The following NAV3 variants were observed in gnomAD, a reference collection of about 807,000 sequenced individuals.
NAV3 encodes the protein neuron navigator 3, also known as pore membrane and/or filament interacting like protein 1.
Under a neutral mutation model 244.7 loss-of-function variants are expected in NAV3, and 87 were observed. That is an observed-to-expected ratio of 0.36 (90% CI 0.30 to 0.42). The LOEUF is 0.42. Ranked by LOEUF, NAV3 falls within the 20% of genes least tolerant of loss-of-function variation. The pLI is 1.00. For missense variants in NAV3, 2,663 were observed against 2,893.3 expected (o/e 0.92, Z 1.83); for synonymous variants, 1,126 against 1,042.2 (o/e 1.08, Z -1.55).
rs775712117 is a variant in NAV3 at position 78,119,616 on chromosome 12, C to T, written c.3420C>T (p.Arg1140=). 4.3e-6 allele frequency: 7 copies of T among 1,614,186 alleles called. No individual in the cohort carries two copies. The highest frequency in any genetic ancestry group is 5.9e-6 in the Non-Finnish European group (7 of 1,180,028). Residue 1140 remains arginine, a synonymous_variant, in exon 15 of 40, where the codon CGC becomes CGT. Transcript: ENST00000397909. ...CCCTACAATATCGCAGCTTGCCCCGCCCTTCAAAATCCAGCACCAGTGGCA... is the reference window on the plus strand; with the variant it reads ...CCCTACAATATCGCAGCTTGCCCCGTCCTTCAAAATCCAGCACCAGTGGCA... ...KTTLQYRSLP[R]PSKSSTSGIP...
intron 1 of NAV3, among the ~76,000 whole-genome samples, chr12:77,927,129 G>A (rs1286225566): frequency 6.6e-6 from 1 of 152,192 alleles, no homozygotes; most frequent in African/African-American, 2.4e-5. Flanking sequence ...TTAGAAAAGG[G>A]TAGAGATGGA....
intron 2 of NAV3, among the ~76,000 whole-genome samples, chr12:77,672,307 A>C (rs1874013861): frequency 6.6e-6 from 1 of 152,196 alleles, no homozygotes; most frequent in South Asian, 2.1e-4. Context: ...AATGGAAACT[A>C]GTAAAACCAT....
intron 9 of NAV3, among the ~76,000 whole-genome samples, chr12:78,025,595 CAAAAAAAAA>C (rs1186694789): frequency 2.4e-3 from 135 of 55,572 alleles, no homozygotes; most frequent in African/African-American, 9.0e-3. Context: ...GACTCCATCT[CAAAAAAAAA>C]AAAAAAAAAA....
intron 1 of NAV3, among the ~76,000 whole-genome samples, chr12:77,888,318 T>C (rs1279768774): frequency 1.3e-5 from 2 of 151,802 alleles, no homozygotes; most frequent in South Asian, 2.1e-4. Context: ...TACAAAGAAA[T>C]AAATAAAAAT....
intron 1 of NAV3, among the ~76,000 whole-genome samples, chr12:77,881,840 A>G (rs998838906): frequency 1.2e-4 from 18 of 152,150 alleles, no homozygotes; most frequent in Non-Finnish European, 1.0e-4. Flanking sequence ...TGTAAAGAAA[A>G]TGAAATACCT....
intron 2 of NAV3, among the ~76,000 whole-genome samples, chr12:77,636,795 G>A (rs1228044582): frequency 6.6e-6 from 1 of 151,796 alleles, no homozygotes; most frequent in Admixed American, 6.6e-5. Flanking sequence ...CATATACATA[G>A]AGTACTATGC....
At chr12:77,955,931 T>G (rs1364751822) in intron 3 of NAV3, among the ~76,000 whole-genome samples, 3 of 151,760 alleles carry the variant, frequency 2.0e-5, no homozygotes, top group Admixed American at 2.0e-4. Flanking sequence ...TTTCTAGGAG[T>G]CTGTGTTTCT....
intron 12 of NAV3, among the ~76,000 whole-genome samples, chr12:78,112,666 C>T (rs1255158402): frequency 6.6e-6 from 1 of 152,162 alleles, no homozygotes; most frequent in Non-Finnish European, 1.5e-5. Flanking sequence ...TCCCACAACA[C>T]ATGGGGCTTA....
chr12:78,122,546 A>C, intron 16 of NAV3, 118 bp downstream of exon 16: 1 of 1,261,080 alleles, frequency 7.9e-7, no homozygotes, highest in Non-Finnish European at 1.1e-6. Flanking sequence ...AAAAGATGTA[A>C]GACTGATGAA....
At position 77,633,481 on chromosome 12, in the gene NAV3, C is replaced by T. The variant is rs1872009663; in HGVS notation, c.72+61215C>T. On this transcript the variant is annotated intron_variant, in intron 2 of 8. Transcript: ENST00000550042. Reference sequence around the variant, plus strand: ...CATTTTTCCCTTAAAATGAACATTCCAATGAGATTCATAAAGTTATTTATT... The same window carrying T: ...CATTTTTCCCTTAAAATGAACATTCTAATGAGATTCATAAAGTTATTTATT... 2.6e-5 allele frequency among the ~76,000 whole-genome samples: 4 copies of T among 151,938 alleles called. No homozygotes were observed. In the South Asian group the frequency reaches 8.3e-4, roughly 31 times the overall value.
intron 1 of NAV3, among the ~76,000 whole-genome samples, chr12:77,862,847 C>A (rs1259114185): frequency 1.3e-5 from 2 of 151,096 alleles, no homozygotes; most frequent in African/African-American, 2.4e-5. Context: ...TATTTTAGGA[C>A]CTGAATAGGG....
At chr12:77,973,854 T>G (rs1406811805) in intron 5 of NAV3, among the ~76,000 whole-genome samples, 1 of 151,556 alleles carries the variant, frequency 6.6e-6, no homozygotes, top group Non-Finnish European at 1.5e-5. Flanking sequence ...TAGTGTGCCC[T>G]TTAAAAAAAA....
intron 2 of NAV3, among the ~76,000 whole-genome samples, chr12:77,661,558 A>C (rs1353418648): frequency 6.6e-6 from 1 of 152,066 alleles, no homozygotes; most frequent in Non-Finnish European, 1.5e-5. Flanking sequence ...GCTGAAGTTC[A>C]GTTTAACCAT....
At chr12:77,747,888 T>G (rs983593571) in intron 2 of NAV3, among the ~76,000 whole-genome samples, 1 of 151,408 alleles carries the variant, frequency 6.6e-6, no homozygotes, top group Non-Finnish European at 1.5e-5. Flanking sequence ...TGTTGTGGGG[T>G]TGGGGGATGG....
chr12:77,897,430 C>G (rs149218831), intron 1 of NAV3, among the ~76,000 whole-genome samples: 2 of 152,182 alleles, frequency 1.3e-5, no homozygotes, highest in African/African-American at 2.4e-5. Context: ...AACTCTGACC[C>G]CATTCTCTTT....
intron 2 of NAV3, among the ~76,000 whole-genome samples, chr12:77,716,126 C>A (rs1316519333): frequency 6.6e-6 from 1 of 151,932 alleles, no homozygotes; most frequent in African/African-American, 2.4e-5. Flanking sequence ...GTCTCATTTT[C>A]AAGTTTCTTT....
chr12:77,837,622 C>T (rs752101607), intron 1 of NAV3, among the ~76,000 whole-genome samples: 2 of 152,154 alleles, frequency 1.3e-5, no homozygotes, highest in Non-Finnish European at 2.9e-5. Context: ...CAGACTAAGG[C>T]TGTATGGTTA....
At chr12:77,622,002 A>C (rs906911289) in intron 2 of NAV3, among the ~76,000 whole-genome samples, 1 of 152,050 alleles carries the variant, frequency 6.6e-6, no homozygotes, top group Admixed American at 6.5e-5. Flanking sequence ...ATTTAAATTT[A>C]TGTTTTATGG....
At chr12:78,200,256 T>C (rs1280979389) in intron 37 of NAV3, among the ~76,000 whole-genome samples, 2 of 152,142 alleles carry the variant, frequency 1.3e-5, no homozygotes, top group Non-Finnish European at 2.9e-5. Context: ...CTGACTCTAG[T>C]ATATTGTGCC....
Sources: allele counts gnomAD v4.1 joint callset (sites outside exome capture counted in the v4.1 genomes callset), GRCh38; gene constraint gnomAD v4.1.1; transcripts MANE v1.5; gene names NCBI Gene and HGNC (gene_info 2026-07-23, HGNC 2026-07-21).